The following ROBO1 variants were observed in gnomAD, a reference collection of about 807,000 sequenced individuals.
ROBO1 encodes the protein roundabout homolog 1.
In ROBO1, 149 loss-of-function variants were observed where a neutral mutation model predicts 195.9. That is an observed-to-expected ratio of 0.76 (90% CI 0.67 to 0.87). The LOEUF (loss-of-function observed/expected upper bound fraction) is 0.87. Ranked by LOEUF, ROBO1 falls within the 40% of genes least tolerant of loss-of-function variation. The pLI, the probability that ROBO1 is intolerant of heterozygous loss-of-function variation, is 0.00. For missense variants in ROBO1, 1,933 were observed against 2,068.3 expected, an observed-to-expected ratio of 0.93 and a Z score of 1.27; for synonymous variants, 816 against 733.2, an observed-to-expected ratio of 1.11 and a Z score of -1.82.
At chr3:79,436,464 T>C (rs373713429) in intron 2 of ROBO1, among the ~76,000 whole-genome samples, 2 of 152,124 alleles carry the variant, frequency 1.3e-5, no homozygotes, top group African/African-American at 4.8e-5. Context: ...GTGTCTTCAG[T>C]CTTTCATTTC....
chr3:79,703,110 A>T (rs1947666094), intron 1 of ROBO1, among the ~76,000 whole-genome samples: 1 of 151,952 alleles, frequency 6.6e-6, no homozygotes, highest in South Asian at 2.1e-4. Flanking sequence ...GTAAAATTCT[A>T]AAGGGTCTAA....
At chr3:79,003,781 C>A (rs1358769541) in intron 3 of ROBO1, among the ~76,000 whole-genome samples, 3 of 152,144 alleles carry the variant, frequency 2.0e-5, no homozygotes, top group African/African-American at 7.2e-5. Flanking sequence ...GAAAAGCACA[C>A]TGAGGAGGAA....
At chr3:78,892,517 G>A (rs1312971990) in intron 4 of ROBO1, among the ~76,000 whole-genome samples, 2 of 152,188 alleles carry the variant, frequency 1.3e-5, no homozygotes, top group Non-Finnish European at 2.9e-5. Flanking sequence ...GATGTGTAGA[G>A]TAATTGTAGG....
intron 2 of ROBO1, among the ~76,000 whole-genome samples, chr3:79,401,780 T>G (rs970116065): frequency 3.3e-5 from 5 of 151,782 alleles, no homozygotes; most frequent in Non-Finnish European, 7.4e-5. Context: ...TCTTCAAAAA[T>G]TTCTAACACT....
At chr3:78,664,044 C>T (rs1465013097) in intron 14 of ROBO1, among the ~76,000 whole-genome samples, 1 of 152,090 alleles carries the variant, frequency 6.6e-6, no homozygotes, top group Non-Finnish European at 1.5e-5. Flanking sequence ...CACCTAGTAC[C>T]CATGACAGCA....
At chr3:79,305,344 G>T (rs1404585332) in intron 2 of ROBO1, among the ~76,000 whole-genome samples, 12 of 151,826 alleles carry the variant, frequency 7.9e-5, no homozygotes, top group Admixed American at 7.2e-4. Flanking sequence ...AAAATTAGCC[G>T]GGTGTGGTGG....
At chr3:79,757,433 C>A (rs1197584983) in intron 1 of ROBO1, among the ~76,000 whole-genome samples, 1 of 151,984 alleles carries the variant, frequency 6.6e-6, no homozygotes, top group Non-Finnish European at 1.5e-5. Flanking sequence ...AAGCAACAGG[C>A]AGAACCAGCC....
chr3:78,606,801 T>C lies in ROBO1; in HGVS notation c.4676A>G (p.Asp1559Gly). ...TGCCTTGTTTCCACGTCCTTTCCCGTCATTTTGCTGTTCCTGTGCTTCTCT... is the reference window on the plus strand; with the variant it reads ...TGCCTTGTTTCCACGTCCTTTCCCGCCATTTTGCTGTTCCTGTGCTTCTCT... Reference protein sequence around the residue: ...DPREAQEQQNDGKGRGNKAAK... With the variant: ...DPREAQEQQNGGKGRGNKAAK... The change falls in exon 29 of 31, where the codon GAC becomes GGC. Residue 1559 changes from aspartate (D) to glycine (G), a missense_variant. By Grantham distance (94) the Asp-to-Gly change is moderately conservative (BLOSUM62 -1). Around this residue, in one of 3 missense-constraint regions of ROBO1, gnomAD observed 1,737 missense variants for 1,882.5 expected, o/e 0.92. Coordinates refer to ENST00000464233, the MANE Select transcript of ROBO1 (RefSeq NM_002941.4). The C allele has an allele frequency of 6.2e-7, 1 of 1,613,938 alleles. No homozygotes were observed. The highest frequency in any genetic ancestry group is 8.5e-7 in the Non-Finnish European group (1 of 1,179,854).
intron 3 of ROBO1, among the ~76,000 whole-genome samples, chr3:78,952,837 T>C (rs1460260847): frequency 6.6e-6 from 1 of 152,050 alleles, no homozygotes; most frequent in Admixed American, 6.6e-5. Context: ...TGTCTCTTGA[T>C]TATAAACTTC....
Position 78,667,994 on chromosome 3 carries a change from A to G in ROBO1, c.1855T>C (p.Ser619Pro). ...TTAGGTTTGAGTCCTTTAATGGCAGATGTTTCTGTTTTCACATTCTCTGCT... is the reference window on the plus strand; with the variant it reads ...TTAGGTTTGAGTCCTTTAATGGCAGGTGTTTCTGTTTTCACATTCTCTGCT... ...TVAENVKTET[S>P]AIKGLKPNAI... is the part of the protein sequence containing the mutation. The change falls in exon 14 of 31, where the codon TCT becomes CCT. Residue 619 changes from serine (S) to proline (P), a missense_variant. Transcript: ENST00000464233. The G allele has an allele frequency of 1.9e-6, 3 of 1,613,754 alleles. No individual in the cohort carries two copies. In the South Asian group the frequency reaches 3.3e-5, roughly 18 times the overall value.
intron 16 of ROBO1, chr3:78,660,610 T>A (rs940835828): frequency 1.3e-5 from 2 of 159,234 alleles, no homozygotes; most frequent in Non-Finnish European, 2.8e-5. Flanking sequence ...TTAAAAGAGA[T>A]GAGATTTAGG....
intron 3 of ROBO1, among the ~76,000 whole-genome samples, chr3:78,964,088 G>A (rs887815768): frequency 5.3e-5 from 8 of 152,132 alleles, no homozygotes; most frequent in South Asian, 2.1e-4. Flanking sequence ...GCAGTTCCCC[G>A]GCGGCTGCTG....
At chr3:78,814,494 T>C (rs574965616) in intron 4 of ROBO1, among the ~76,000 whole-genome samples, 64 of 152,098 alleles carry the variant, frequency 4.2e-4, no homozygotes, top group African/African-American at 1.4e-3. Context: ...GTCTACCTTA[T>C]TGATGACATA....
intron 1 of ROBO1, among the ~76,000 whole-genome samples, chr3:79,746,636 A>C (rs1703888246): frequency 6.6e-6 from 1 of 152,060 alleles, no homozygotes; most frequent in South Asian, 2.1e-4. Context: ...AAAGTAATGA[A>C]ATGAGAAATA....
chr3:79,451,213 T>C (rs1001038486), intron 2 of ROBO1, among the ~76,000 whole-genome samples: 2 of 152,098 alleles, frequency 1.3e-5, no homozygotes, highest in Non-Finnish European at 2.9e-5. Context: ...AAAAGCATAA[T>C]ATATTTATAA....
At chr3:79,117,704 G>T (rs1420915378) in intron 3 of ROBO1, among the ~76,000 whole-genome samples, 1 of 152,186 alleles carries the variant, frequency 6.6e-6, no homozygotes, top group South Asian at 2.1e-4. Context: ...TTCAAGCAAT[G>T]TAAAGTAACA....
chr3:78,692,132 T>C (rs766312445), intron 8 of ROBO1, among the ~76,000 whole-genome samples: 1 of 152,058 alleles, frequency 6.6e-6, no homozygotes, highest in Middle Eastern at 3.2e-3. Flanking sequence ...TATTTCATTC[T>C]CTACATGTAT....
At chr3:79,742,313 C>T (rs1325271862) in intron 1 of ROBO1, among the ~76,000 whole-genome samples, 1 of 152,200 alleles carries the variant, frequency 6.6e-6, no homozygotes, top group Non-Finnish European at 1.5e-5. Context: ...GTGGGCCAGG[C>T]CCAGGGCCCT....
At chr3:78,705,538 A>T (rs930836898) in intron 8 of ROBO1, among the ~76,000 whole-genome samples, 43 of 152,318 alleles carry the variant, frequency 2.8e-4, no homozygotes, top group Non-Finnish European at 5.4e-4. Flanking sequence ...TCACACAGAA[A>T]ATGTTACAAG....
Sources: gnomAD v4.1 joint callset for allele counts (sites outside exome capture counted in the v4.1 genomes callset) on GRCh38, gnomAD v4.1.1 for gene constraint, gnomAD v4.1.1 regional missense constraint, MANE v1.5 for transcripts, NCBI Gene and HGNC (gene_info 2026-07-23, HGNC 2026-07-21) for gene names.